Variants in HORMAD2 observed in about 807,000 individuals in gnomAD.
The protein encoded by HORMAD2 is HORMA domain containing 2, also known as HORMA domain-containing protein 2.
A neutral mutation model predicts 38.8 loss-of-function variants in HORMAD2; 45 were observed. The ratio of observed to expected loss-of-function variants is 1.16; its 90% CI spans 0.91 to 1.49. HORMAD2 has a LOEUF of 1.49. Among genes scored for constraint, HORMAD2 ranks in the 40% most tolerant of loss-of-function variants. The probability of loss-of-function intolerance (pLI) is 0.00; values close to 1 mark genes in which losing one functional copy is unlikely to be tolerated. For synonymous variants in HORMAD2, 126 were observed against 122.8 expected (o/e 1.03, Z -0.17); for missense variants, 338 against 367.0 (o/e 0.92, Z 0.65).
chr22:30,088,110 T>C (rs2068609193), intron 1 of HORMAD2, among the ~76,000 whole-genome samples: 1 of 150,870 alleles, frequency 6.6e-6, no homozygotes, highest in Non-Finnish European at 1.5e-5. Flanking sequence ...TACACACGTG[T>C]ACATATACAC....
the HORMAD2 span, among the ~76,000 whole-genome samples, chr22:30,182,101 A>G: frequency 6.6e-6 from 1 of 152,196 alleles, no homozygotes; most frequent in Admixed American, 6.5e-5. Context: ...CTGGAGTTAG[A>G]CGTTATCTGG....
intron 1 of HORMAD2, among the ~76,000 whole-genome samples, chr22:30,089,548 T>G (rs113145198): frequency 0.1 from 15,178 of 152,112 alleles, 781 homozygotes; most frequent in Middle Eastern, 0.14. Context: ...AGATGGGATT[T>G]CACCATGTTG....
intron 2 of HORMAD2, 67 bp downstream of exon 2, chr22:30,094,070 A>G (rs896495257): frequency 4.2e-5 from 49 of 1,158,334 alleles, no homozygotes; most frequent in East Asian, 3.3e-4. Flanking sequence ...TATGATTTTA[A>G]TCTTTTGTGT....
chr22:30,112,357 A>G (rs1921727291), intron 6 of HORMAD2, 139 bp from the exon 7 acceptor site: 2 of 582,978 alleles, frequency 3.4e-6, no homozygotes, highest in Admixed American at 3.7e-5. Context: ...CAAAATAAGC[A>G]TATCCTATCT....
At chr22:30,202,076 C>G in the HORMAD2 span, among the ~76,000 whole-genome samples, 5 of 152,142 alleles carry the variant, frequency 3.3e-5, no homozygotes, top group Non-Finnish European at 5.9e-5. Context: ...TGGATTAAGG[C>G]CATTTACTAA....
chr22:30,169,157 A>C (rs1481333649), intron 10 of HORMAD2, among the ~76,000 whole-genome samples: 1 of 152,082 alleles, frequency 6.6e-6, no homozygotes. Context: ...ATCCCTTTTG[A>C]AGCCTTGCCA....
chr22:30,137,419 C>T lies in HORMAD2; in HGVS notation c.819+15205C>T, dbSNP rs1395656643. On this transcript the variant is annotated intron_variant, in intron 10 of 10. Coordinates refer to ENST00000336726, the MANE Select transcript of HORMAD2 (RefSeq NM_152510.4). ...GTCAAGGTATTTGAGCCCAGGAGGTCAAGGCTGCAGTGAGCTGTTGATCAC... is the reference window on the plus strand; with the variant it reads ...GTCAAGGTATTTGAGCCCAGGAGGTTAAGGCTGCAGTGAGCTGTTGATCAC... The T allele has an allele frequency of 1.2e-5, 5 of 418,068 alleles. No homozygotes were observed. In the Admixed American group the frequency reaches 1.2e-4, roughly 10 times the overall value. The allele number at this position is 418,068 out of a possible 1,614,324, so 25.9% of individuals were successfully genotyped here. A position where few individuals can be genotyped will look rare whatever the true frequency, so the allele number is the denominator to read the frequency against.
At chr22:30,092,103 A>T (rs1250696243) in intron 1 of HORMAD2, among the ~76,000 whole-genome samples, 1 of 149,104 alleles carries the variant, frequency 6.7e-6, no homozygotes, top group Non-Finnish European at 1.5e-5. Flanking sequence ...CTGGTCTCAA[A>T]CTCTTGACCT....
chr22:30,109,374 T>C (rs1921457042), intron 5 of HORMAD2, among the ~76,000 whole-genome samples: 1 of 150,542 alleles, frequency 6.6e-6, no homozygotes, highest in Non-Finnish European at 1.5e-5. Flanking sequence ...CTGGAGTGCA[T>C]TGGCACAATC....
chr22:30,190,679 GGCCCTGAGCTCACATGAAATGCAA>G, the HORMAD2 span, among the ~76,000 whole-genome samples: 1 of 152,214 alleles, frequency 6.6e-6, no homozygotes, highest in African/African-American at 2.4e-5. Context: ...CTGTGAAAGT[GGCCCTGAGCTCACATGAAATGCAA>G]GCCAGCAAAA....
At chr22:30,106,459 C>CTA (rs1921205918) in intron 5 of HORMAD2, among the ~76,000 whole-genome samples, 1 of 152,108 alleles carries the variant, frequency 6.6e-6, no homozygotes, top group Non-Finnish European at 1.5e-5. Context: ...AAAGGAGGCA[C>CTA]TATACCCTGT....
At chr22:30,107,212 T>G (rs994566611) in intron 5 of HORMAD2, among the ~76,000 whole-genome samples, 1 of 152,186 alleles carries the variant, frequency 6.6e-6, no homozygotes, top group South Asian at 2.1e-4. Context: ...ATTATAAGTA[T>G]TACATGTACT....
At chr22:30,088,098 CGT>C (rs766565076) in intron 1 of HORMAD2, among the ~76,000 whole-genome samples, 7 of 142,512 alleles carry the variant, frequency 4.9e-5, no homozygotes, top group Non-Finnish European at 8.1e-5. Context: ...TATACACACA[CGT>C]ACACACGTGT....
chr22:30,087,416 A>C (rs1026878863), intron 1 of HORMAD2, among the ~76,000 whole-genome samples: 8 of 152,228 alleles, frequency 5.3e-5, no homozygotes, highest in Non-Finnish European at 7.3e-5. Flanking sequence ...ACACATAAGA[A>C]TCAATAAGAT....
chr22:30,119,831 A>G (rs534925434), intron 8 of HORMAD2, among the ~76,000 whole-genome samples: 2 of 152,286 alleles, frequency 1.3e-5, no homozygotes, highest in East Asian at 3.9e-4. Context: ...CTGGCTCATC[A>G]TTTGCCATGA....
chr22:30,129,217 C>CAA lies in HORMAD2; in HGVS notation c.819+7041_819+7042dup, dbSNP rs750796623. Among the ~76,000 whole-genome samples the CAA allele has an allele frequency of 1.8e-3, 41 of 22,628 alleles. 1 individual carries two copies. The highest frequency in any genetic ancestry group is 3.0e-3 in the Non-Finnish European group (35 of 11,572). 14.8% of individuals were successfully genotyped at this position (22,628 alleles called of 152,430 possible). ...TGGGTGGCAGAGTGAGACTCTATCT[C>CAA]AAAAAAAAAAAAAAAAAAAAAAAAA... On this transcript the variant is annotated intron_variant, in intron 10 of 10. Coordinates refer to ENST00000336726, the MANE Select transcript of HORMAD2 (RefSeq NM_152510.4).
At chr22:30,118,242 G>A (rs989726714) in intron 7 of HORMAD2, among the ~76,000 whole-genome samples, 4 of 151,836 alleles carry the variant, frequency 2.6e-5, no homozygotes, top group African/African-American at 7.3e-5. Flanking sequence ...TCTCCCCCTC[G>A]CTCACTGGTT....
At chr22:30,202,925 C>T in the HORMAD2 span, among the ~76,000 whole-genome samples, 1 of 152,168 alleles carries the variant, frequency 6.6e-6, no homozygotes, top group East Asian at 1.9e-4. Flanking sequence ...TAGGGGAGAG[C>T]CACTCCCTGA....
At chr22:30,097,930 T>C (rs145249951) in intron 2 of HORMAD2, among the ~76,000 whole-genome samples, 1 of 152,116 alleles carries the variant, frequency 6.6e-6, no homozygotes, top group Non-Finnish European at 1.5e-5. Flanking sequence ...AAGGAGAAAA[T>C]AGATTTGAGA....
Sources: gnomAD v4.1 joint callset for allele counts (sites outside exome capture counted in the v4.1 genomes callset) on GRCh38, gnomAD v4.1.1 for gene constraint, MANE v1.5 for transcripts, NCBI Gene and HGNC (gene_info 2026-07-23, HGNC 2026-07-21) for gene names.